Variants in USP53 observed in about 807,000 individuals in gnomAD.
The protein encoded by USP53 is ubiquitin carboxyl-terminal hydrolase 53.
Under a neutral mutation model 94.9 loss-of-function variants are expected in USP53, and 71 were observed. The observed-to-expected ratio is 0.75, with a 90% CI of 0.62 to 0.91. The LOEUF (loss-of-function observed/expected upper bound fraction) is 0.91. Among genes scored for constraint, USP53 ranks in the 40% least tolerant of loss-of-function variants. The probability of loss-of-function intolerance (pLI) is 0.00; values close to 1 mark genes in which losing one functional copy is unlikely to be tolerated. For missense variants in USP53, 1,173 were observed against 1,281.0 expected (o/e 0.92, Z 1.29); for synonymous variants, 375 against 422.7 (o/e 0.89, Z 1.39).
At chr4:119,225,235 G>A (rs1012828464) in intron 3 of USP53, among the ~76,000 whole-genome samples, 1 of 152,014 alleles carries the variant, frequency 6.6e-6, no homozygotes, top group African/African-American at 2.4e-5. Context: ...AACTATGAAA[G>A]CTCACTCAAG....
intron 17 of USP53, among the ~76,000 whole-genome samples, chr4:119,273,941 C>T (rs1578539301): frequency 6.6e-6 from 1 of 150,894 alleles, no homozygotes; most frequent in East Asian, 1.9e-4. Flanking sequence ...CAAAAGAAAG[C>T]ATGCTATACT....
chr4:119,260,789 G>C (rs1038203190), intron 11 of USP53, 136 bp downstream of exon 11: 5 of 902,432 alleles, frequency 5.5e-6, no homozygotes, highest in Admixed American at 5.8e-5. Flanking sequence ...GACTAGGAAT[G>C]GCTTTCAATT....
chr4:119,213,660 A>ATATATATGTGTGTGTGTGTG, intron 1 of USP53, among the ~76,000 whole-genome samples: 1 of 117,776 alleles, frequency 8.5e-6, no homozygotes. Context: ...ATATATATAT[A>ATATATATGTGTGTGTGTGTG]TGTGTGTGTG....
At chr4:119,289,574 T>C (rs2149481460) in intron 17 of USP53, among the ~76,000 whole-genome samples, 1 of 152,328 alleles carries the variant, frequency 6.6e-6, no homozygotes, top group East Asian at 1.9e-4. Context: ...ATTATTGTGG[T>C]GGTACATGAC....
intron 15 of USP53, among the ~76,000 whole-genome samples, chr4:119,270,677 C>T (rs577953774): frequency 3.2e-4 from 49 of 152,154 alleles, no homozygotes; most frequent in African/African-American, 1.1e-3. Context: ...TGGTTCTATG[C>T]TTTTTTCTTT....
In USP53 at chr4:119,259,939, G is replaced by A; in HGVS notation, c.675+14G>A. ...AGGAAATGTCCTGTAAGTATAGTTTGGAGAATATTAGTATGCTTCTTGTTT... is the reference window on the plus strand; with the variant it reads ...AGGAAATGTCCTGTAAGTATAGTTTAGAGAATATTAGTATGCTTCTTGTTT... On this transcript the variant is annotated intron_variant, in intron 10 of 18. Transcript: ENST00000692078. The A allele has an allele frequency of 6.4e-7, 1 of 1,574,682 alleles. No homozygotes were observed. Among genetic ancestry groups the A allele is most frequent in the Admixed American group, 1.8e-5 (1 of 56,750 alleles).
intron 17 of USP53, among the ~76,000 whole-genome samples, chr4:119,280,703 C>G (rs2149456755): frequency 6.6e-6 from 1 of 152,248 alleles, no homozygotes. Flanking sequence ...GTAGTATCTT[C>G]AAAATCTCAA....
At chr4:119,226,905 C>T (rs1206589249) in intron 3 of USP53, among the ~76,000 whole-genome samples, 1 of 152,180 alleles carries the variant, frequency 6.6e-6, no homozygotes, top group Non-Finnish European at 1.5e-5. Flanking sequence ...ACAATCACAG[C>T]TCACTGCAAC....
intron 3 of USP53, among the ~76,000 whole-genome samples, chr4:119,232,517 C>T (rs1240494979): frequency 6.6e-6 from 1 of 152,116 alleles, no homozygotes; most frequent in Non-Finnish European, 1.5e-5. Flanking sequence ...ATACATAACA[C>T]ATTTTGTTTA....
At chr4:119,277,751 C>T (rs1355174280) in intron 17 of USP53, among the ~76,000 whole-genome samples, 1 of 134,494 alleles carries the variant, frequency 7.4e-6, no homozygotes, top group Non-Finnish European at 1.6e-5. Context: ...CTTTGTAGGT[C>T]ACTCAGGACT....
At chr4:119,241,835 T>C (rs888779623) in intron 5 of USP53, among the ~76,000 whole-genome samples, 1 of 152,172 alleles carries the variant, frequency 6.6e-6, no homozygotes, top group African/African-American at 2.4e-5. Flanking sequence ...CAGTTACATA[T>C]GTAGTGAGTT....
At position 119,239,927 on chromosome 4, in the gene USP53, A is replaced by G. The variant is rs529585914; in HGVS notation, c.144+24A>G. On this transcript the variant is annotated intron_variant, in intron 5 of 18. Coordinates refer to ENST00000692078, the MANE Select transcript of USP53 (RefSeq NM_001371395.1). ...AGGTGAGACCATAATTACTTATTAC[A>G]TTAAAAAAAATACTTTTCAGAAAAT... 5.1e-5 allele frequency: 72 copies of G among 1,401,070 alleles called. 2 individuals are homozygous for G. In the East Asian group the frequency reaches 1.7e-3, roughly 32 times the overall value. 86.8% of individuals were successfully genotyped at this position (1,401,070 alleles called of 1,614,324 possible). A position where few individuals can be genotyped will look rare whatever the true frequency, so the allele number is the denominator to read the frequency against.
chr4:119,222,729 A>T (rs1578410452), intron 3 of USP53, among the ~76,000 whole-genome samples: 1 of 152,152 alleles, frequency 6.6e-6, no homozygotes, highest in Admixed American at 6.5e-5. Context: ...GGGTGATTCC[A>T]TATCTTGGCT....
chr4:119,216,964 A>G (rs1332295353), intron 2 of USP53, among the ~76,000 whole-genome samples: 1 of 152,154 alleles, frequency 6.6e-6, no homozygotes, highest in African/African-American at 2.4e-5. Context: ...TTGAATGCCT[A>G]TGTTTTGGCC....
intron 17 of USP53, among the ~76,000 whole-genome samples, 156 bp downstream of exon 17, chr4:119,273,864 A>G (rs559021385): frequency 3.9e-4 from 59 of 152,092 alleles, no homozygotes; most frequent in African/African-American, 1.3e-3. Flanking sequence ...TTAAGTTAAT[A>G]TATGTTTTAA....
At chr4:119,216,606 T>C (rs1743800179) in intron 2 of USP53, among the ~76,000 whole-genome samples, 1 of 152,238 alleles carries the variant, frequency 6.6e-6, no homozygotes, top group South Asian at 2.1e-4. Flanking sequence ...AATCCACTTA[T>C]AATGTGAAGT....
intron 1 of USP53, among the ~76,000 whole-genome samples, chr4:119,213,660 A>ACATATATGTGTGTGTGTGTGTGTGTGTG (rs1743236531): frequency 8.5e-6 from 1 of 117,792 alleles, no homozygotes; most frequent in East Asian, 2.2e-4. Flanking sequence ...ATATATATAT[A>ACATATATGTGTGTGTGTGTGTGTGTGTG]TGTGTGTGTG....
chr4:119,231,270 A>G lies in USP53; in HGVS notation c.-664-4020A>G, dbSNP rs143235505. 2.0e-4 allele frequency among the ~76,000 whole-genome samples: 31 copies of G among 152,238 alleles called. No individual in the cohort carries two copies. In the East Asian group the frequency reaches 5.8e-3, roughly 28 times the overall value. ...ATTATGTTCCTACTGATGGATATTT[A>G]CTTTATTTCCTTCATTATTTACTGG... On this transcript the variant is annotated intron_variant, in intron 3 of 18. Coordinates refer to ENST00000692078, the MANE Select transcript of USP53 (RefSeq NM_001371395.1).
chr4:119,284,051 A>G (rs571459538), intron 17 of USP53, among the ~76,000 whole-genome samples: 51 of 152,044 alleles, frequency 3.4e-4, no homozygotes, highest in African/African-American at 1.2e-3. Flanking sequence ...CTGGAAAGAT[A>G]TGAGAAAATA....
Sources: allele counts gnomAD v4.1 joint callset (sites outside exome capture counted in the v4.1 genomes callset), GRCh38; gene constraint gnomAD v4.1.1; transcripts MANE v1.5; gene names NCBI Gene and HGNC (gene_info 2026-07-23, HGNC 2026-07-21).